Variants in CACNA1D observed in about 807,000 individuals in gnomAD.
CACNA1D encodes voltage-dependent L-type calcium channel subunit alpha-1D.
A neutral mutation model predicts 257.1 loss-of-function variants in CACNA1D; 55 were observed. The observed-to-expected ratio is 0.21, with a 90% CI of 0.17 to 0.27. CACNA1D has a LOEUF of 0.27. Among genes scored for constraint, CACNA1D ranks in the 10% least tolerant of loss-of-function variants. The pLI, the probability that CACNA1D is intolerant of heterozygous loss-of-function variation, is 1.00. For missense variants in CACNA1D, 1,876 were observed against 2,784.0 expected (o/e 0.67, Z 7.34); for synonymous variants, 980 against 1,014.9 (o/e 0.97, Z 0.65).
chr3:53,702,770 G>C lies in CACNA1D; in HGVS notation c.1350G>C (p.Pro450=). The C allele has an allele frequency of 6.2e-7, 1 of 1,614,202 alleles. No homozygotes were observed. Among genetic ancestry groups the C allele is most frequent in the Non-Finnish European group, 8.5e-7 (1 of 1,180,038 alleles). Residue 450 remains proline, a synonymous_variant, in exon 9 of 48, where the codon CCG becomes CCC. Coordinates refer to ENST00000350061, the MANE Select transcript of CACNA1D (RefSeq NM_001128840.3). The part of the protein sequence containing the change: ...DWITQAEDID[P]ENEEEGGEEG... ...TCACCCAAGCTGAGGACATCGATCC[G>C]GAGAATGAGGAAGAAGGAGGAGAGG...
At chr3:53,548,756 G>A (rs1009288763) in intron 3 of CACNA1D, among the ~76,000 whole-genome samples, 8 of 152,164 alleles carry the variant, frequency 5.3e-5, no homozygotes, top group African/African-American at 1.9e-4. Flanking sequence ...CCATGTAGTG[G>A]TTCTTATTGT....
At position 53,732,000 on chromosome 3, in the gene CACNA1D, G is replaced by A. The variant is rs766759200; in HGVS notation, c.2407-16G>A. ...AGTCAGTCTCCCCTCCTCCCAAGAT[G>A]TCTTTGTCATCCTAGGTTACAATTG... On this transcript the variant is annotated splice_polypyrimidine_tract_variant and intron_variant, in intron 17 of 47. Transcript: ENST00000350061. The A allele has an allele frequency of 1.5e-5, 23 of 1,568,202 alleles. 1 individual carries two copies. Among genetic ancestry groups the A allele is most frequent in the South Asian group, 7.8e-5 (7 of 90,138 alleles).
chr3:53,594,587 T>G (rs1268659151), intron 3 of CACNA1D, among the ~76,000 whole-genome samples: 1 of 152,206 alleles, frequency 6.6e-6, no homozygotes, highest in African/African-American at 2.4e-5. Flanking sequence ...CAGCACCTGG[T>G]AAGGGTGGTC....
chr3:53,695,203 C>T (rs557631276), intron 8 of CACNA1D, among the ~76,000 whole-genome samples: 4 of 152,198 alleles, frequency 2.6e-5, no homozygotes, highest in African/African-American at 4.8e-5. Flanking sequence ...AGGCTGGAGT[C>T]GCAGCAGCAG....
intron 3 of CACNA1D, among the ~76,000 whole-genome samples, chr3:53,626,204 CGG>C (rs1559935891): frequency 6.6e-6 from 1 of 152,152 alleles, no homozygotes; most frequent in Non-Finnish European, 1.5e-5. Flanking sequence ...TTTGCCGCCC[CGG>C]GCACATCCCC....
At chr3:53,753,822 C>G in intron 29 of CACNA1D, 140 bp downstream of exon 29, 1 of 696,876 alleles carries the variant, frequency 1.4e-6, no homozygotes, top group Non-Finnish European at 2.6e-6. Flanking sequence ...ACATTAAAAT[C>G]TGATTAGAGC....
intron 3 of CACNA1D, among the ~76,000 whole-genome samples, chr3:53,530,818 C>G (rs2091922329): frequency 6.6e-6 from 1 of 152,066 alleles, no homozygotes; most frequent in South Asian, 2.1e-4. Flanking sequence ...AAATGTCCCC[C>G]ACACTTGCTC....
intron 3 of CACNA1D, among the ~76,000 whole-genome samples, chr3:53,561,881 A>ATT (rs1166527042): frequency 3.9e-5 from 6 of 152,146 alleles, no homozygotes; most frequent in African/African-American, 1.4e-4. Flanking sequence ...TCATTCTATA[A>ATT]TTTTTTTATC....
chr3:53,620,612 A>G (rs1331821923), intron 3 of CACNA1D, among the ~76,000 whole-genome samples: 1 of 152,228 alleles, frequency 6.6e-6, no homozygotes, highest in East Asian at 1.9e-4. Context: ...TTAAAGCAGA[A>G]CTCACAGAAG....
At chr3:53,678,699 T>G (rs1476008972) in intron 8 of CACNA1D, among the ~76,000 whole-genome samples, 1 of 152,150 alleles carries the variant, frequency 6.6e-6, no homozygotes, top group African/African-American at 2.4e-5. Context: ...AGGCAAAGAT[T>G]CATGGGATGG....
intron 3 of CACNA1D, among the ~76,000 whole-genome samples, chr3:53,607,895 A>C (rs898291433): frequency 6.6e-6 from 1 of 152,234 alleles, no homozygotes; most frequent in Non-Finnish European, 1.5e-5. Flanking sequence ...ATGTCTCTTC[A>C]TACACCAATC....
intron 3 of CACNA1D, among the ~76,000 whole-genome samples, chr3:53,505,118 T>TA (rs1400696720): frequency 2.8e-5 from 4 of 144,430 alleles, no homozygotes; most frequent in South Asian, 2.3e-4. Context: ...TTTATTTGTT[T>TA]TTTTTTTTTT....
chr3:53,537,671 C>T (rs1186401760), intron 3 of CACNA1D, among the ~76,000 whole-genome samples: 7 of 152,166 alleles, frequency 4.6e-5, no homozygotes, highest in Non-Finnish European at 1.0e-4. Context: ...AATTAGGATA[C>T]AGGTAGGTTT....
intron 3 of CACNA1D, among the ~76,000 whole-genome samples, chr3:53,542,595 A>AATAT (rs1357288660): frequency 3.7e-4 from 56 of 151,270 alleles, no homozygotes; most frequent in Non-Finnish European, 6.9e-4. Flanking sequence ...TAAATAAATA[A>AATAT]ATAAATAAAC....
At chr3:53,801,938 C>CT (rs2095538258) in intron 42 of CACNA1D, among the ~76,000 whole-genome samples, 3 of 152,126 alleles carry the variant, frequency 2.0e-5, no homozygotes. Flanking sequence ...TCTTCAGATT[C>CT]TTTTTTATGT....
intron 3 of CACNA1D, among the ~76,000 whole-genome samples, chr3:53,623,229 A>T (rs2093718791): frequency 6.6e-6 from 1 of 152,212 alleles, no homozygotes; most frequent in Non-Finnish European, 1.5e-5. Flanking sequence ...ATCAAAACTC[A>T]CTAAATGCCA....
chr3:53,529,728 C>G (rs529487440), intron 3 of CACNA1D, among the ~76,000 whole-genome samples: 1 of 152,202 alleles, frequency 6.6e-6, no homozygotes, highest in East Asian at 1.9e-4. Context: ...CTGGGAAATA[C>G]TTTAAGTGGG....
chr3:53,773,810 T>A (rs1411382333), intron 33 of CACNA1D: 3 of 152,076 alleles, frequency 2.0e-5, no homozygotes, highest in African/African-American at 7.2e-5. Flanking sequence ...CCCTGGAAGG[T>A]CTTTTATCAC....
At chr3:53,786,370 C>G (rs1412750974) in intron 39 of CACNA1D, 1 of 178,192 alleles carries the variant, frequency 5.6e-6, no homozygotes, top group Non-Finnish European at 1.2e-5. Context: ...CTTTCTAGGT[C>G]TCTATCTTGA....
Sources: allele counts gnomAD v4.1 joint callset (sites outside exome capture counted in the v4.1 genomes callset), GRCh38; gene constraint gnomAD v4.1.1; transcripts MANE v1.5; gene names NCBI Gene and HGNC (gene_info 2026-07-23, HGNC 2026-07-21).